Variants in POLN observed in about 807,000 individuals in gnomAD.
The protein encoded by POLN is DNA polymerase nu.
A neutral mutation model predicts 113.5 loss-of-function variants in POLN; 108 were observed. That is an observed-to-expected ratio of 0.95 (90% confidence interval 0.81 to 1.12). POLN has a LOEUF of 1.12. POLN is among the 50% of genes most tolerant of loss of function. The pLI is 0.00. For synonymous variants in POLN, 386 were observed against 391.5 expected (o/e 0.99, Z 0.17); for missense variants, 1,097 against 1,077.1 (o/e 1.02, Z -0.26).
chr4:2,224,379 G>C (rs1300358413), intron 3 of POLN, among the ~76,000 whole-genome samples: 1 of 152,050 alleles, frequency 6.6e-6, no homozygotes, highest in Non-Finnish European at 1.5e-5. Context: ...TTTACAATTA[G>C]CTTTTTTTTC....
chr4:2,182,786 A>G (rs1302981150), intron 7 of POLN, among the ~76,000 whole-genome samples: 1 of 151,808 alleles, frequency 6.6e-6, no homozygotes, highest in South Asian at 2.1e-4. Flanking sequence ...CACCAAAAAC[A>G]CAAATAACAA....
intron 23 of POLN, chr4:2,078,605 G>A: frequency 1.0e-6 from 1 of 985,376 alleles, no homozygotes. Context: ...TTCAGCGAGA[G>A]ATGCCTGGCC....
chr4:2,236,185 A>G lies in POLN; in HGVS notation c.-13+5335T>C, dbSNP rs748012547. 10 of 1,217,596 alleles carry G rather than the reference A, an allele frequency of 8.2e-6. No homozygotes were observed. The East Asian group carries it at 2.4e-4, about 29-fold the overall frequency. The allele number at this position is 1,217,596 out of a possible 1,614,324, so 75.4% of individuals were successfully genotyped here. ...TTCTTTAATATCTTTTACAACAAGC[A>G]TTTTTTTAAAAAGCATTTTTAACTA... On this transcript the variant is annotated intron_variant, in intron 2 of 25. Transcript: ENST00000511885.
At chr4:2,080,308 T>C in intron 23 of POLN, 1 of 996,192 alleles carries the variant, frequency 1.0e-6, no homozygotes, top group Non-Finnish European at 1.2e-6. Flanking sequence ...CCTGGGGGAA[T>C]AACTGAGGCA....
At chr4:2,098,306 C>A (rs1730845016) in intron 19 of POLN, among the ~76,000 whole-genome samples, 1 of 152,106 alleles carries the variant, frequency 6.6e-6, no homozygotes. Flanking sequence ...GTGGTCCCAG[C>A]TACTTGGGAG....
At chr4:2,169,049 C>T (rs972289985) in intron 13 of POLN, among the ~76,000 whole-genome samples, 5 of 152,142 alleles carry the variant, frequency 3.3e-5, no homozygotes, top group Middle Eastern at 3.2e-3. Flanking sequence ...AATGTTTAAG[C>T]TGACAATCAG....
rs921670193 is a variant in POLN at position 2,229,256 on chromosome 4, T to A, written c.-12-13A>T. 5 of 1,572,352 alleles carry A rather than the reference T, an allele frequency of 3.2e-6. No homozygotes were observed. The highest frequency in any genetic ancestry group is 4.3e-6 in the Non-Finnish European group (5 of 1,155,516). On this transcript the variant is annotated splice_polypyrimidine_tract_variant and intron_variant, in intron 2 of 25. Transcript: ENST00000511885. Reference sequence around the variant, plus strand: ...TTTTCACAAAATCCTAAATGTAAGATTAACATAAGATAAATCCCATATATT... The same window carrying A: ...TTTTCACAAAATCCTAAATGTAAGAATAACATAAGATAAATCCCATATATT...
intron 19 of POLN, among the ~76,000 whole-genome samples, chr4:2,124,165 A>G (rs999566003): frequency 6.6e-6 from 1 of 152,178 alleles, no homozygotes; most frequent in Non-Finnish European, 1.5e-5. Flanking sequence ...CAGAAAGTAG[A>G]TGAGTGGTTT....
intron 19 of POLN, among the ~76,000 whole-genome samples, chr4:2,119,151 T>C (rs879773892): frequency 6.6e-6 from 1 of 152,214 alleles, no homozygotes; most frequent in Admixed American, 6.5e-5. Flanking sequence ...AGAGACAGTC[T>C]CAGAGAAGCA....
At chr4:2,100,076 G>GAAAAAAAA (rs34515865) in intron 19 of POLN, among the ~76,000 whole-genome samples, 48 of 137,134 alleles carry the variant, frequency 3.5e-4, no homozygotes, top group East Asian at 1.3e-3. Flanking sequence ...TCTCAAAAAA[G>GAAAAAAAA]AAAAAAAAAG....
rs1194712140 is a variant in POLN, at chr4:2,208,215, A to C, written c.486T>G (p.Asn162Lys). Residue 162 changes from asparagine (N) to lysine (K), a missense_variant, in exon 5 of 26, where the codon AAT (asparagine) becomes AAG (lysine). By Grantham distance (94) the Asn-to-Lys change is moderately conservative. Coordinates refer to ENST00000511885, the MANE Select transcript of POLN (RefSeq NM_181808.4). ...INLKRKHITY[N>K]NLSEKTSKQM... ...GTTTACTTGTTTTCTCTGACAAATT[A>C]TTATATGTAATATGTTTTCTTTTAA... The C allele has an allele frequency of 6.3e-7, 1 of 1,594,682 alleles. No homozygotes were observed. Among genetic ancestry groups the C allele is most frequent in the South Asian group, 1.1e-5 (1 of 90,472 alleles).
At chr4:2,074,789 G>C (rs576824301) in intron 24 of POLN, among the ~76,000 whole-genome samples, 1 of 152,172 alleles carries the variant, frequency 6.6e-6, no homozygotes, top group African/African-American at 2.4e-5. Flanking sequence ...TGGGGGCACA[G>C]GTCCACGTGG....
At chr4:2,103,634 G>T (rs909079193) in intron 19 of POLN, among the ~76,000 whole-genome samples, 27 of 152,136 alleles carry the variant, frequency 1.8e-4, no homozygotes, top group African/African-American at 6.3e-4. Context: ...ATGTGAAAAG[G>T]ACTTTGCCAC....
chr4:2,110,618 G>A (rs1219957900), intron 19 of POLN, among the ~76,000 whole-genome samples: 6 of 152,232 alleles, frequency 3.9e-5, no homozygotes, highest in South Asian at 2.1e-4. Flanking sequence ...ACACCTCTAC[G>A]CAAATAAACC....
In POLN at chr4:2,127,035, T is replaced by A. The variant is rs1731598437; in HGVS notation, c.1982+1078A>T. Reference sequence around the variant, plus strand: ...CCTCTGACTTCTCCGATCCCCATGATCTGCTTCCTCATCTCCCACCCCCAG... The same window carrying A: ...CCTCTGACTTCTCCGATCCCCATGAACTGCTTCCTCATCTCCCACCCCCAG... On this transcript the variant is annotated intron_variant, in intron 19 of 25. Coordinates refer to ENST00000511885, the MANE Select transcript of POLN (RefSeq NM_181808.4). This position sits in a 1 kb window ranked among gnomAD's most constrained non-coding sequence, Gnocchi z 4.7. Among the ~76,000 whole-genome samples the A allele has an allele frequency of 6.6e-6, 1 of 151,922 alleles. No individual in the cohort carries two copies. Among genetic ancestry groups the A allele is most frequent in the Non-Finnish European group, 1.5e-5 (1 of 67,976 alleles).
rs770132661 is a variant in POLN, at chr4:2,215,835, G to A, written c.134-2709C>T. On this transcript the variant is annotated intron_variant, in intron 3 of 25. Transcript: ENST00000511885. ...GGATGAACTACATCTTGCTGCAGCT[G>A]GCCTCAAGGTTGCAAATTACATTCA... Among the ~76,000 whole-genome samples, 5 of 152,096 alleles carry A rather than the reference G, an allele frequency of 3.3e-5. No homozygotes were observed. In the East Asian group the frequency reaches 7.7e-4, roughly 23 times the overall value.
At chr4:2,111,971 C>T (rs566001342) in intron 19 of POLN, among the ~76,000 whole-genome samples, 4 of 152,296 alleles carry the variant, frequency 2.6e-5, no homozygotes, top group South Asian at 2.1e-4. Context: ...CATCACGCTA[C>T]CTGACTTCAA....
chr4:2,174,167 C>A lies in POLN; in HGVS notation c.1310-148G>T, dbSNP rs34335353. ...CTGCATGCCAACCTCTGCACAGGATCTGTCAGGATCCCTGTGTCATACAGG... is the reference window on the plus strand; with the variant it reads ...CTGCATGCCAACCTCTGCACAGGATATGTCAGGATCCCTGTGTCATACAGG... On this transcript the variant is annotated intron_variant, in intron 10 of 25. Transcript: ENST00000511885. The A allele has an allele frequency of 2.5e-3, 1,873 of 756,624 alleles. 31 individuals are homozygous for A. The African/African-American group carries it at 0.029, about 12-fold the overall frequency. 46.9% of individuals were successfully genotyped at this position (756,624 alleles called of 1,614,324 possible).
rs537328784 is a variant in POLN, at chr4:2,142,031, C to T, written c.1732-10741G>A. Among the ~76,000 whole-genome samples the T allele has an allele frequency of 3.9e-5, 6 of 152,308 alleles. No homozygotes were observed. In the East Asian group the frequency reaches 9.6e-4, roughly 24 times the overall value. ...CACCTCTTCCAAGCCAAGGAGGTACCCTCTCCCTCCTGTGAAGTGGGTCTC... is the reference window on the plus strand; with the variant it reads ...CACCTCTTCCAAGCCAAGGAGGTACTCTCTCCCTCCTGTGAAGTGGGTCTC... On this transcript the variant is annotated intron_variant, in intron 16 of 25. Transcript: ENST00000511885.
Sources: gnomAD v4.1 joint callset for allele counts (sites outside exome capture counted in the v4.1 genomes callset) on GRCh38, gnomAD v4.1.1 for gene constraint, Gnocchi (gnomAD v3.1) non-coding constraint, MANE v1.5 for transcripts, NCBI Gene and HGNC (gene_info 2026-07-23, HGNC 2026-07-21) for gene names.